The following CHST5 variants were observed in gnomAD, a reference collection of about 807,000 sequenced individuals.
CHST5 encodes carbohydrate sulfotransferase 5, also known as GST4-alpha.
For missense variants in CHST5, 637 were observed against 602.1 expected, an observed-to-expected ratio of 1.06 and a Z score of -0.61; for synonymous variants, 313 against 279.2, an observed-to-expected ratio of 1.12 and a Z score of -1.21.
In CHST5 at chr16:75,529,306, G is replaced by A. The variant is rs1182777055; in HGVS notation, c.1079C>T (p.Pro360Leu). 1.9e-6 allele frequency: 3 copies of A among 1,613,186 alleles called. No individual in the cohort carries two copies. Among genetic ancestry groups the A allele is most frequent in the Non-Finnish European group, 2.5e-6 (3 of 1,179,912 alleles). ...NVSQAWRHAL[P>L]FTKILRVQEV... The stretch of plus-strand genomic sequence containing the variant: ...CTGCACGCGCAGGATCTTAGTGAAG[G>A]GCAACGCGTGGCGCCAGGCCTGGGA... The change falls in exon 4 of 4, where the codon CCC (proline) becomes CTC (leucine). Residue 360 changes from proline (P) to leucine (L), a missense_variant. Physicochemically the swap from Pro to Leu is moderately conservative, Grantham distance 98. Coordinates refer to ENST00000336257, the MANE Select transcript of CHST5 (RefSeq NM_024533.5).
Position 75,529,505 on chromosome 16 carries a change from G to A in CHST5, c.880C>T (p.Arg294Cys), listed in dbSNP as rs1380817581. Residue 294 changes from arginine (R) to cysteine (C), a missense_variant, in exon 4 of 4, where the codon CGC becomes TGC. Coordinates refer to ENST00000336257, the MANE Select transcript of CHST5 (RefSeq NM_024533.5). The stretch of plus-strand genomic sequence containing the variant: ...GGCTCCCGCGCCAGGTCCTCGAAGC[G>A]CACCAGGCGGTAGCGGCCGCGCAGG... ...PFLRGRYRLV[R>C]FEDLAREPLA... The A allele has an allele frequency of 6.2e-7, 1 of 1,611,024 alleles. No individual in the cohort carries two copies. The highest frequency in any genetic ancestry group is 1.7e-5 in the Admixed American group (1 of 59,990).
At chr16:75,533,745 T>A (rs1300868033) in intron 2 of CHST5, among the ~76,000 whole-genome samples, 1 of 152,038 alleles carries the variant, frequency 6.6e-6, no homozygotes, top group African/African-American at 2.4e-5. Flanking sequence ...AAGTCAACAT[T>A]TGCATTTGCT....
Position 75,534,641 on chromosome 16 carries a change from GAAACAAACAAAC to G in CHST5, c.-1352+474_-1352+485del, listed in dbSNP as rs370282506. Reference sequence around the variant, plus strand: ...GGGTGACAGAGCGAGACTCCGTCTCGAAACAAACAAACAAACAAACAAACAAAAAAACATTTC... The same window carrying G: ...GGGTGACAGAGCGAGACTCCGTCTCGAAACAAACAAACAAAAAAACATTTC... On this transcript the variant is annotated intron_variant, in intron 2 of 3. Transcript: ENST00000336257. Among the ~76,000 whole-genome samples the G allele has an allele frequency of 4.5e-3, 680 of 152,116 alleles. 6 individuals carry two copies. The highest frequency in any genetic ancestry group is 0.015 in the African/African-American group (612 of 41,496).
chr16:75,535,867 C>T (rs186680929), intron 1 of CHST5, among the ~76,000 whole-genome samples, 177 bp downstream of exon 1: 1 of 152,324 alleles, frequency 6.6e-6, no homozygotes, highest in African/African-American at 2.4e-5. Context: ...AACCCTTCCT[C>T]ACCCCCCCAA....
rs572582991 is a variant in CHST5 at position 75,529,523 on chromosome 16, C to A, written c.862G>T (p.Gly288Cys). ...ATLKPPPFLR[G>C]RYRLVRFEDL... ...TCGAAGCGCACCAGGCGGTAGCGGC[C>A]GCGCAGGAAGGGTGGCGGCTTGAGT... Residue 288 changes from glycine (G) to cysteine (C), a missense_variant, in exon 4 of 4, where the codon GGC (glycine) becomes TGC (cysteine). By Grantham distance (159) the Gly-to-Cys change is radical (BLOSUM62 -3). Coordinates refer to ENST00000336257, the MANE Select transcript of CHST5 (RefSeq NM_024533.5). 27 of 1,610,326 alleles carry A rather than the reference C, an allele frequency of 1.7e-5. No homozygotes were observed. The highest frequency in any genetic ancestry group is 2.3e-5 in the Non-Finnish European group (27 of 1,179,408).
intron 2 of CHST5, among the ~76,000 whole-genome samples, chr16:75,533,630 C>T (rs2080540817): frequency 6.6e-6 from 1 of 152,158 alleles, no homozygotes; most frequent in African/African-American, 2.4e-5. Flanking sequence ...GAGGGCATCG[C>T]AGACTTGGCC....
Position 75,531,144 on chromosome 16 carries a change from G to C in CHST5, c.-760C>G. On this transcript the variant is annotated 5_prime_UTR_variant, in exon 4 of 4. Coordinates refer to ENST00000336257, the MANE Select transcript of CHST5 (RefSeq NM_024533.5). ...GAGACCATCCTGGCTAACACAGTGA[G>C]ACCCCATCTCTACTAAAAATACAAA... is the stretch of plus-strand genomic sequence containing the variant. 7.0e-6 allele frequency: 5 copies of C among 714,432 alleles called. No individual in the cohort carries two copies. The highest frequency in any genetic ancestry group is 6.2e-5 in the South Asian group (1 of 16,082). 44.3% of individuals were successfully genotyped at this position (714,432 alleles called of 1,614,324 possible). A position where few individuals can be genotyped will look rare whatever the true frequency, so the allele number is the denominator to read the frequency against.
In CHST5 at chr16:75,533,157, G is replaced by GCCC. The variant is rs2151692455; in HGVS notation, c.-1326_-1325insGGG. 1.4e-6 allele frequency: 1 copy of GCCC among 702,380 alleles called. No homozygotes were observed. The highest frequency in any genetic ancestry group is 2.7e-5 in the East Asian group (1 of 37,294). 43.5% of individuals were successfully genotyped at this position (702,380 alleles called of 1,614,324 possible). ...CACTCTATGCCACACAGAGTCTCCAGAAGACCAGTTCCTCACTGGGAGCTT... is the reference window on the plus strand; with the variant it reads ...CACTCTATGCCACACAGAGTCTCCAGCCCAAGACCAGTTCCTCACTGGGAGCTT... On this transcript the variant is annotated 5_prime_UTR_variant, in exon 3 of 4. Transcript: ENST00000336257.
Position 75,529,272 on chromosome 16 carries a change from G to A in CHST5, c.1113C>T (p.Cys371=), listed in dbSNP as rs770975222. The change falls in exon 4 of 4, where the codon TGC becomes TGT. Residue 371 remains cysteine, a synonymous_variant. Coordinates refer to ENST00000336257, the MANE Select transcript of CHST5 (RefSeq NM_024533.5). The stretch of plus-strand genomic sequence containing the variant: ...AGCCCAGCAGCTGCAGCGCGCCGGC[G>A]CACACCTCCTGCACGCGCAGGATCT... ...FTKILRVQEV[C]AGALQLLGYR... 4.3e-6 allele frequency: 7 copies of A among 1,613,118 alleles called. No homozygotes were observed. The highest frequency in any genetic ancestry group is 3.3e-5 in the South Asian group (3 of 91,058).
rs74780301 is a variant in CHST5 at position 75,530,631 on chromosome 16, C to G, written c.-247G>C. 27 of 1,382,516 alleles carry G rather than the reference C, an allele frequency of 2.0e-5. No homozygotes were observed. The highest frequency in any genetic ancestry group is 3.4e-5 in the Admixed American group (1 of 29,172). The allele number at this position is 1,382,516 out of a possible 1,614,324, so 85.6% of individuals were successfully genotyped here. On this transcript the variant is annotated 5_prime_UTR_variant, in exon 4 of 4. Coordinates refer to ENST00000336257, the MANE Select transcript of CHST5 (RefSeq NM_024533.5). ...ACTTACATACCTACAGGCTATCTATCTGTAGAGAGAAATACTATGTTTCAA... is the reference window on the plus strand; with the variant it reads ...ACTTACATACCTACAGGCTATCTATGTGTAGAGAGAAATACTATGTTTCAA...
Position 75,530,805 on chromosome 16 carries a change from A to T in CHST5, c.-421T>A. The T allele has an allele frequency of 9.8e-7, 1 of 1,017,092 alleles. No individual in the cohort carries two copies. The highest frequency in any genetic ancestry group is 1.2e-6 in the Non-Finnish European group (1 of 836,328). 63.0% of individuals were successfully genotyped at this position (1,017,092 alleles called of 1,614,324 possible). On this transcript the variant is annotated 5_prime_UTR_variant, in exon 4 of 4. Coordinates refer to ENST00000336257, the MANE Select transcript of CHST5 (RefSeq NM_024533.5). ...TCCTGGCTCTGCCACTTCCTAGCCTATGATCTTGCTTATGAAGATCACTTA... is the reference window on the plus strand; with the variant it reads ...TCCTGGCTCTGCCACTTCCTAGCCTTTGATCTTGCTTATGAAGATCACTTA...
intron 2 of CHST5, 43 bp from the exon 3 acceptor site, chr16:75,533,226 A>C (rs2080538022): frequency 2.8e-6 from 2 of 702,420 alleles, no homozygotes; most frequent in African/African-American, 3.5e-5. Context: ...CAATTGGCCA[A>C]GGGTGCAAAG....
Position 75,529,463 on chromosome 16 carries a change from C to G in CHST5, c.922G>C (p.Ala308Pro), listed in dbSNP as rs752206707. ...LAREPLAEIR[A>P]LYAFTGLTLT... ...GTCAGGCCGGTGAAGGCGTAGAGTG[C>G]GCGGATCTCTGCCAGCGGCTCCCGC... The change falls in exon 4 of 4, where the codon GCA (alanine) becomes CCA (proline). Residue 308 changes from alanine (A) to proline (P), a missense_variant. Transcript: ENST00000336257. 1.2e-6 allele frequency: 2 copies of G among 1,612,550 alleles called. No homozygotes were observed. The highest frequency in any genetic ancestry group is 1.7e-5 in the Admixed American group (1 of 60,000).
At position 75,529,743 on chromosome 16, in the gene CHST5, C is replaced by A; in HGVS notation, c.642G>T (p.Ala214=). 6.2e-7 allele frequency: 1 copy of A among 1,613,180 alleles called. No homozygotes were observed. ...CCAGGTGCACGATGCGCAGGTTGAG[C>A]GCGGGGTCGCTGAGCAGCGGGTAGA... ...QVLYPLLSDP[A]LNLRIVHLVR... is the part of the protein sequence containing the mutation. Residue 214 remains alanine (A), a synonymous_variant, in exon 4 of 4, where the codon GCG becomes GCT. Transcript: ENST00000336257.
rs763484088 is a variant in CHST5, at chr16:75,530,022, G to C, written c.363C>G (p.Ile121Met). The C allele has an allele frequency of 6.2e-7, 1 of 1,612,600 alleles. No homozygotes were observed. The highest frequency in any genetic ancestry group is 1.3e-5 in the African/African-American group (1 of 75,040). The change falls in exon 4 of 4, where the codon ATC becomes ATG. Residue 121 changes from isoleucine (I) to methionine (M), a missense_variant. Transcript: ENST00000336257. ...CAAACACGTCCATGTCGCACAAAAA[G>C]ATAGAGCGCATCAGGTCGCGCACGG... ...HMAVRDLMRS[I>M]FLCDMDVFDA...
chr16:75,529,237 A>G lies in CHST5; in HGVS notation c.1148T>C (p.Val383Ala). The change falls in exon 4 of 4, where the codon GTG becomes GCG. Residue 383 changes from valine to alanine, a missense_variant. By Grantham distance (64) the Val-to-Ala change is moderately conservative. Coordinates refer to ENST00000336257, the MANE Select transcript of CHST5 (RefSeq NM_024533.5). ...GALQLLGYRPVYSADQQRDLT... is the reference protein window; with the variant it reads ...GALQLLGYRPAYSADQQRDLT... ...GTCACGCTGCTGGTCCGCAGAGTAC[A>G]CAGGCCGGTAGCCCAGCAGCTGCAG... is the stretch of plus-strand genomic sequence containing the variant. The G allele has an allele frequency of 6.2e-7, 1 of 1,613,018 alleles. No homozygotes were observed. Among genetic ancestry groups the G allele is most frequent in the Non-Finnish European group, 8.5e-7 (1 of 1,179,924 alleles).
chr16:75,529,947 T>C lies in CHST5; in HGVS notation c.438A>G (p.Ala146=), dbSNP rs1433936350. The change falls in exon 4 of 4, where the codon GCA becomes GCG. Residue 146 remains alanine, a synonymous_variant. Coordinates refer to ENST00000336257, the MANE Select transcript of CHST5 (RefSeq NM_024533.5). ...GCGGCGAGCACAGCGCGCGGCTCGT[T>C]GCCCAGTTGAAAAAGGCGGACAGGT... is the stretch of plus-strand genomic sequence containing the variant. The part of the protein sequence containing the change: ...SRNLSAFFNW[A]TSRALCSPPA... The C allele has an allele frequency of 6.2e-7, 1 of 1,613,156 alleles. No individual in the cohort carries two copies. The highest frequency in any genetic ancestry group is 2.2e-5 in the East Asian group (1 of 44,884).
In CHST5 at chr16:75,531,477, T is replaced by A. The variant is rs1165217805; in HGVS notation, c.-1093A>T. 3.1e-6 allele frequency: 4 copies of A among 1,283,364 alleles called. No individual in the cohort carries two copies. The East Asian group carries it at 2.3e-4, about 72-fold the overall frequency. 79.5% of individuals were successfully genotyped at this position (1,283,364 alleles called of 1,614,324 possible). ...AGAAGGAGGGTGTCCTGGAGCCCTG[T>A]GGGTTTGCAAGAAGATCAGTTGATG... On this transcript the variant is annotated 5_prime_UTR_variant, in exon 4 of 4. Transcript: ENST00000336257.
At position 75,529,842 on chromosome 16, in the gene CHST5, G is replaced by C; in HGVS notation, c.543C>G (p.Ser181Arg). ...CKTLCTRQPF[S>R]LAREACRSYS... ...AGGAGCGGCAGGCCTCCCGGGCCAG[G>C]CTGAATGGCTGCCGCGTGCACAGTG... Residue 181 changes from serine (S) to arginine (R), a missense_variant, in exon 4 of 4, where the codon AGC becomes AGG. By Grantham distance (110) the Ser-to-Arg change is moderately radical (BLOSUM62 -1). Coordinates refer to ENST00000336257, the MANE Select transcript of CHST5 (RefSeq NM_024533.5). 6.2e-7 allele frequency: 1 copy of C among 1,613,554 alleles called. No homozygotes were observed. The highest frequency in any genetic ancestry group is 8.5e-7 in the Non-Finnish European group (1 of 1,179,918).
Sources: gnomAD v4.1 joint callset for allele counts (sites outside exome capture counted in the v4.1 genomes callset) on GRCh38, gnomAD v4.1.1 for gene constraint, MANE v1.5 for transcripts, NCBI Gene and HGNC (gene_info 2026-07-23, HGNC 2026-07-21) for gene names.